GPR161: variants seen among roughly 807,000 people sequenced by gnomAD.
GPR161 encodes the protein G-protein coupled receptor RE2.
GPR161 carries 25 observed loss-of-function variants against 39.2 expected under a neutral mutation model. The ratio of observed to expected loss-of-function variants is 0.64; its 90% CI spans 0.47 to 0.89. The LOEUF is 0.89. Ranked by LOEUF, GPR161 falls within the 40% of genes least tolerant of loss-of-function variation. The pLI, the probability that GPR161 is intolerant of heterozygous loss-of-function variation, is 0.00. For synonymous variants in GPR161, 286 were observed against 276.6 expected (o/e 1.03, Z -0.34); for missense variants, 547 against 677.8 (o/e 0.81, Z 2.14).
Position 168,082,545 on chromosome 1 carries a change from AAAC to A in GPR161, c.*2983_*2985del, listed in dbSNP as rs2102076779. 6.6e-6 allele frequency: 1 copy of A among 152,426 alleles called. No homozygotes were observed. Among genetic ancestry groups the A allele is most frequent in the African/African-American group, 2.4e-5 (1 of 41,580 alleles). 9.4% of individuals were successfully genotyped at this position (152,426 alleles called of 1,614,324 possible). A position where few individuals can be genotyped will look rare whatever the true frequency, so the allele number is the denominator to read the frequency against. ...GGGACTCCCAATGCCTTCTGGGTCA[AAAC>A]AACCCCAAACCTGGTATCTGTGGCA... On this transcript the variant is annotated 3_prime_UTR_variant, in exon 6 of 6. Transcript: ENST00000682931.
intron 1 of GPR161, among the ~76,000 whole-genome samples, chr1:168,131,505 AG>A (rs1485008779): frequency 6.6e-6 from 1 of 152,116 alleles, no homozygotes; most frequent in Non-Finnish European, 1.5e-5. Context: ...GAAAAAAAAA[AG>A]TTACTATAAA....
Position 168,083,136 on chromosome 1 carries a change from A to G in GPR161, c.*2395T>C, listed in dbSNP as rs1694189985. ...TCGGTATCCACAGGTCCTGCTCCCT[A>G]AATCAGAGTGCACACTTTAGTGGTA... is the stretch of plus-strand genomic sequence containing the variant. On this transcript the variant is annotated 3_prime_UTR_variant, in exon 6 of 6. Coordinates refer to ENST00000682931, the MANE Select transcript of GPR161 (RefSeq NM_001375883.1). 6.6e-6 allele frequency: 1 copy of G among 152,180 alleles called. No homozygotes were observed. Among genetic ancestry groups the G allele is most frequent in the Non-Finnish European group, 1.5e-5 (1 of 68,046 alleles). The allele number at this position is 152,180 out of a possible 1,614,324, so 9.4% of individuals were successfully genotyped here.
chr1:168,111,273 A>C (rs983235203), intron 1 of GPR161, among the ~76,000 whole-genome samples: 11 of 152,180 alleles, frequency 7.2e-5, no homozygotes, highest in African/African-American at 2.2e-4. Context: ...TCTGGTGTCC[A>C]ACCCTCCTCC....
At position 168,135,157 on chromosome 1, in the gene GPR161, A is replaced by G. The variant is rs1415938306; in HGVS notation, c.-45+1582T>C. On this transcript the variant is annotated intron_variant, in intron 1 of 5. Transcript: ENST00000682931. ...TGTTATGGCAGTGGAGCTACAGGGC[A>G]GGGAGAAGCCCTGAGTTAAAGAACT... The G allele has an allele frequency of 4.8e-6, 6 of 1,249,704 alleles. No individual in the cohort carries two copies. The Admixed American group carries it at 1.5e-4, about 30-fold the overall frequency. 77.4% of individuals were successfully genotyped at this position (1,249,704 alleles called of 1,614,324 possible). A position where few individuals can be genotyped will look rare whatever the true frequency, so the allele number is the denominator to read the frequency against.
chr1:168,115,514 C>T (rs1025626144), intron 1 of GPR161, among the ~76,000 whole-genome samples: 1 of 152,240 alleles, frequency 6.6e-6, no homozygotes, highest in Middle Eastern at 3.4e-3. Flanking sequence ...CTCTTCACCC[C>T]CAGAGTGTGC....
In GPR161 at chr1:168,136,770, C is replaced by T. The variant is rs1183851980; in HGVS notation, c.-76G>A. On this transcript the variant is annotated 5_prime_UTR_variant, in exon 1 of 6. Coordinates refer to ENST00000682931, the MANE Select transcript of GPR161 (RefSeq NM_001375883.1). ...GCGGCCGCCGCGGCAGCTCAGGCCCCGGCCCAGCCGCCTCCCCGCCTCGGC... is the reference window on the plus strand; with the variant it reads ...GCGGCCGCCGCGGCAGCTCAGGCCCTGGCCCAGCCGCCTCCCCGCCTCGGC... The T allele has an allele frequency of 2.0e-5, 20 of 989,584 alleles. No homozygotes were observed. Among genetic ancestry groups the T allele is most frequent in the Non-Finnish European group, 2.3e-5 (19 of 833,010 alleles). The allele number at this position is 989,584 out of a possible 1,614,324, so 61.3% of individuals were successfully genotyped here. A position where few individuals can be genotyped will look rare whatever the true frequency, so the allele number is the denominator to read the frequency against.
At chr1:168,095,064 A>T (rs1390389342) in intron 3 of GPR161, among the ~76,000 whole-genome samples, 2 of 152,252 alleles carry the variant, frequency 1.3e-5, no homozygotes, top group Non-Finnish European at 2.9e-5. Context: ...CCCTGCTATG[A>T]TGTACAGGAA....
At chr1:168,123,537 T>TACACACACAC (rs10534836) in intron 1 of GPR161, among the ~76,000 whole-genome samples, 2,557 of 138,162 alleles carry the variant, frequency 0.019, 48 homozygotes, top group African/African-American at 0.035. Flanking sequence ...TGCACATACA[T>TACACACACAC]ACACACACAC....
At position 168,130,115 on chromosome 1, in the gene GPR161, G is replaced by A. The variant is rs1473851547; in HGVS notation, c.-45+6624C>T. 2.6e-5 allele frequency among the ~76,000 whole-genome samples: 4 copies of A among 152,132 alleles called. 1 individual carries two copies. The highest frequency in any genetic ancestry group is 3.8e-4 in the East Asian group (2 of 5,198). On this transcript the variant is annotated intron_variant, in intron 1 of 5. Coordinates refer to ENST00000682931, the MANE Select transcript of GPR161 (RefSeq NM_001375883.1). ...CTGCTAATCATCCTACCCTGTAAGC[G>A]CTGCAGTTTTCCAAGATGCCCTCTG...
chr1:168,081,360 C>T lies in GPR161; in HGVS notation c.*4171G>A, dbSNP rs2102073026. On this transcript the variant is annotated 3_prime_UTR_variant, in exon 6 of 6. Transcript: ENST00000682931. ...GGCAAAAACCTTTAACACCTCCCAT[C>T]TAGGATAACACTTATATTTTCAAGA... The T allele has an allele frequency of 6.6e-6, 1 of 152,282 alleles. No homozygotes were observed. Among genetic ancestry groups the T allele is most frequent in the Non-Finnish European group, 1.5e-5 (1 of 68,034 alleles). The allele number at this position is 152,282 out of a possible 1,614,324, so 9.4% of individuals were successfully genotyped here.
rs1005100403 is a variant in GPR161 at position 168,082,032 on chromosome 1, T to C, written c.*3499A>G. ...GGGAAATCTGAAGAGACTAACCATC[T>C]GTCATTGTATCAAAGCATTTTTCCT... On this transcript the variant is annotated 3_prime_UTR_variant, in exon 6 of 6. Coordinates refer to ENST00000682931, the MANE Select transcript of GPR161 (RefSeq NM_001375883.1). 1 of 152,252 alleles carries C rather than the reference T, an allele frequency of 6.6e-6. No homozygotes were observed. Among genetic ancestry groups the C allele is most frequent in the Non-Finnish European group, 1.5e-5 (1 of 68,048 alleles). 9.4% of individuals were successfully genotyped at this position (152,252 alleles called of 1,614,324 possible).
At chr1:168,113,027 G>A (rs751803428) in intron 1 of GPR161, among the ~76,000 whole-genome samples, 6 of 152,158 alleles carry the variant, frequency 3.9e-5, no homozygotes, top group Non-Finnish European at 7.3e-5. Flanking sequence ...GAGTAGCGAA[G>A]GCACAAGCCC....
rs142783286 is a variant in GPR161 at position 168,085,647 on chromosome 1, G to A, written c.1474C>T (p.Arg492Trp). Reference sequence around the variant, plus strand: ...CCGAAGCCGCCCCCCGGGACAGTCCGTGCTGTAACCAAGACCCCTGGCAAA... The same window carrying A: ...CCGAAGCCGCCCCCCGGGACAGTCCATGCTGTAACCAAGACCCCTGGCAAA... ...EALPGVLVTA[R>W]TVPGGGFGGR... is the part of the protein sequence containing the mutation. Residue 492 changes from arginine to tryptophan, a missense_variant, in exon 6 of 6, where the codon CGG becomes TGG. Coordinates refer to ENST00000682931, the MANE Select transcript of GPR161 (RefSeq NM_001375883.1). 26 of 1,614,004 alleles carry A rather than the reference G, an allele frequency of 1.6e-5. No homozygotes were observed. The highest frequency in any genetic ancestry group is 6.7e-5 in the Admixed American group (4 of 60,010).
At position 168,084,683 on chromosome 1, in the gene GPR161, A is replaced by G; in HGVS notation, c.*848T>C. ...TTCCCATGTGAACAAATTCCCTTCCATAATAACAGTTTCTCTATTTCCTGG... is the reference window on the plus strand; with the variant it reads ...TTCCCATGTGAACAAATTCCCTTCCGTAATAACAGTTTCTCTATTTCCTGG... On this transcript the variant is annotated 3_prime_UTR_variant, in exon 6 of 6. Coordinates refer to ENST00000682931, the MANE Select transcript of GPR161 (RefSeq NM_001375883.1). 1.1e-5 allele frequency: 4 copies of G among 372,822 alleles called. No homozygotes were observed. In the East Asian group the frequency reaches 2.2e-4, roughly 20 times the overall value. 23.1% of individuals were successfully genotyped at this position (372,822 alleles called of 1,614,324 possible). A position where few individuals can be genotyped will look rare whatever the true frequency, so the allele number is the denominator to read the frequency against.
chr1:168,125,302 T>C (rs1337748789), intron 1 of GPR161, among the ~76,000 whole-genome samples: 2 of 152,200 alleles, frequency 1.3e-5, no homozygotes, highest in Non-Finnish European at 2.9e-5. Context: ...TGCTGATTTG[T>C]TCCAGGAAAC....
chr1:168,136,902 A>T lies in GPR161; in HGVS notation c.-208T>A. ...CTCCTCCCGCGGGCCAGCCACCAGC[A>T]CGCGGACCCGGGCGGGCGCAGGCCA... is the stretch of plus-strand genomic sequence containing the variant. On this transcript the variant is annotated 5_prime_UTR_variant, in exon 1 of 6. Coordinates refer to ENST00000682931, the MANE Select transcript of GPR161 (RefSeq NM_001375883.1). The T allele has an allele frequency of 5.1e-6, 5 of 972,958 alleles. No homozygotes were observed. The highest frequency in any genetic ancestry group is 6.1e-6 in the Non-Finnish European group (5 of 825,820). The allele number at this position is 972,958 out of a possible 1,614,324, so 60.3% of individuals were successfully genotyped here. A position where few individuals can be genotyped will look rare whatever the true frequency, so the allele number is the denominator to read the frequency against.
At chr1:168,115,212 C>T (rs924996804) in intron 1 of GPR161, among the ~76,000 whole-genome samples, 2 of 152,160 alleles carry the variant, frequency 1.3e-5, no homozygotes, top group African/African-American at 4.8e-5. Context: ...GATTCTGAAT[C>T]TTATTCTAGT....
rs144488902 is a variant in GPR161, at chr1:168,097,162, C to T, written c.445G>A (p.Val149Ile). The change falls in exon 3 of 6, where the codon GTC (valine) becomes ATC (isoleucine). Residue 149 changes from valine to isoleucine, a missense_variant. Val to Ile is a conservative substitution (Grantham distance 29). Coordinates refer to ENST00000682931, the MANE Select transcript of GPR161 (RefSeq NM_001375883.1). ...ATGAGCGAGTGAAGCCAGATGTAGACAAGTGCCATCACAGCCCGGTTCCCT... is the reference window on the plus strand; with the variant it reads ...ATGAGCGAGTGAAGCCAGATGTAGATAAGTGCCATCACAGCCCGGTTCCCT... ...ITGNRAVMALVYIWLHSLIGC... is the reference protein window; with the variant it reads ...ITGNRAVMALIYIWLHSLIGC... 83 of 1,614,068 alleles carry T rather than the reference C, an allele frequency of 5.1e-5. No homozygotes were observed. The African/African-American group carries it at 9.1e-4, about 18-fold the overall frequency.
intron 1 of GPR161, among the ~76,000 whole-genome samples, chr1:168,106,954 A>G (rs75784198): frequency 6.6e-6 from 1 of 152,314 alleles, no homozygotes; most frequent in East Asian, 1.9e-4. Context: ...GACTCTAATA[A>G]GTAAATTATT....
Sources: allele counts gnomAD v4.1 joint callset (sites outside exome capture counted in the v4.1 genomes callset), GRCh38; gene constraint gnomAD v4.1.1; transcripts MANE v1.5; gene names NCBI Gene and HGNC (gene_info 2026-07-23, HGNC 2026-07-21).